YEATS2: variants seen among roughly 807,000 people sequenced by gnomAD.
The protein encoded by YEATS2 is YEATS domain containing 2, also known as YEATS domain-containing protein 2.
In YEATS2, 77 loss-of-function variants were observed where a neutral mutation model predicts 163.2. The observed-to-expected ratio is 0.47, with a 90% CI of 0.39 to 0.57. The LOEUF (loss-of-function observed/expected upper bound fraction) is 0.57, where lower values mean the gene tolerates loss of function less well. Ranked by LOEUF, YEATS2 falls within the 20% of genes least tolerant of loss-of-function variation. The probability of loss-of-function intolerance (pLI) is 0.00; values close to 1 mark genes in which losing one functional copy is unlikely to be tolerated. For synonymous variants in YEATS2, 631 were observed against 645.1 expected, an observed-to-expected ratio of 0.98 and a Z score of 0.33; for missense variants, 1,549 against 1,729.8, an observed-to-expected ratio of 0.90 and a Z score of 1.85.
At chr3:183,714,714 A>G (rs1010527839) in intron 1 of YEATS2, among the ~76,000 whole-genome samples, 12 of 152,316 alleles carry the variant, frequency 7.9e-5, no homozygotes, top group Admixed American at 3.3e-4. Context: ...ATTTTCTAAT[A>G]TGCTGAATGC....
intron 1 of YEATS2, among the ~76,000 whole-genome samples, chr3:183,707,920 C>T (rs993294392): frequency 7.2e-5 from 11 of 151,998 alleles, no homozygotes; most frequent in South Asian, 4.2e-4. Context: ...GTGATCCACC[C>T]GCCTTGGCCT....
chr3:183,719,675 CT>C (rs145556774), intron 4 of YEATS2, among the ~76,000 whole-genome samples: 7 of 148,702 alleles, frequency 4.7e-5, no homozygotes, highest in Non-Finnish European at 4.5e-5. Context: ...TGTTTTCTTT[CT>C]TTTTTTTTTA....
At chr3:183,809,708 C>CTT (rs1302291910) in intron 30 of YEATS2, among the ~76,000 whole-genome samples, 1 of 152,172 alleles carries the variant, frequency 6.6e-6, no homozygotes, top group East Asian at 1.9e-4. Context: ...GATTAAGACA[C>CTT]TGAGTTTCAG....
intron 1 of YEATS2, among the ~76,000 whole-genome samples, chr3:183,700,110 G>A (rs1200417785): frequency 2.6e-5 from 4 of 151,714 alleles, no homozygotes; most frequent in African/African-American, 9.7e-5. Flanking sequence ...CCTGTTCTCT[G>A]TCATCTTTTG....
Position 183,754,373 on chromosome 3 carries a change from G to C in YEATS2, c.1390+8G>C, listed in dbSNP as rs75129248. On this transcript the variant is annotated splice_region_variant and intron_variant, in intron 11 of 30. Coordinates refer to ENST00000305135, the MANE Select transcript of YEATS2 (RefSeq NM_018023.5). ...GCTGCAAGATTGTGTCAGGTATGCA[G>C]ATGTTTTGAAGACAGTGTATGTGGA... 13,322 of 1,610,456 alleles carry C rather than the reference G, an allele frequency of 8.3e-3. 566 individuals are homozygous for C. In the East Asian group the frequency reaches 0.14, roughly 17 times the overall value.
chr3:183,755,878 C>T (rs1015813066), intron 11 of YEATS2, among the ~76,000 whole-genome samples: 6 of 150,452 alleles, frequency 4.0e-5, no homozygotes, highest in Admixed American at 6.7e-5. Flanking sequence ...TCTCGAGGAG[C>T]TGGGATTACA....
chr3:183,756,935 T>G (rs1352826545), intron 12 of YEATS2, among the ~76,000 whole-genome samples: 1 of 152,238 alleles, frequency 6.6e-6, no homozygotes, highest in Non-Finnish European at 1.5e-5. Context: ...CCATAATGAA[T>G]GTTCTTAAAA....
At chr3:183,725,511 A>T (rs1445910575) in intron 6 of YEATS2, among the ~76,000 whole-genome samples, 1 of 152,252 alleles carries the variant, frequency 6.6e-6, no homozygotes, top group Admixed American at 6.5e-5. Flanking sequence ...GGGAGGCCTC[A>T]CAATCCTGGC....
At chr3:183,763,499 ATTTC>A (rs1721591283) in intron 15 of YEATS2, among the ~76,000 whole-genome samples, 1 of 152,154 alleles carries the variant, frequency 6.6e-6, no homozygotes, top group Admixed American at 6.5e-5. Flanking sequence ...CCATGCTTGT[ATTTC>A]TACATTTTCT....
chr3:183,749,716 T>G (rs1234364698), intron 9 of YEATS2, among the ~76,000 whole-genome samples: 1 of 152,156 alleles, frequency 6.6e-6, no homozygotes, highest in Non-Finnish European at 1.5e-5. Flanking sequence ...TCACTGCAGC[T>G]TTGACCTCCT....
At chr3:183,788,866 T>G (rs1303248902) in intron 20 of YEATS2, among the ~76,000 whole-genome samples, 1 of 152,250 alleles carries the variant, frequency 6.6e-6, no homozygotes, top group Non-Finnish European at 1.5e-5. Context: ...TTTGTGTTTC[T>G]CTCACAATTA....
chr3:183,807,374 A>G, intron 28 of YEATS2: 1 of 394,744 alleles, frequency 2.5e-6, no homozygotes, highest in South Asian at 2.6e-5. Context: ...CTGGCTAGAT[A>G]GAAATGGTTG....
At chr3:183,775,440 A>G (rs1339270925) in intron 17 of YEATS2, among the ~76,000 whole-genome samples, 1 of 152,194 alleles carries the variant, frequency 6.6e-6, no homozygotes, top group Non-Finnish European at 1.5e-5. Context: ...TACTAAAAAT[A>G]CAAAATTAGC....
intron 1 of YEATS2, among the ~76,000 whole-genome samples, chr3:183,698,227 C>G (rs1713685633): frequency 1.3e-5 from 2 of 152,178 alleles, no homozygotes; most frequent in Admixed American, 1.3e-4. Context: ...TGGGGGCTTC[C>G]TCTTCAGCGG....
In YEATS2 at chr3:183,801,467, A is replaced by G; in HGVS notation, c.3441A>G (p.Leu1147=). 6.2e-7 allele frequency: 1 copy of G among 1,609,626 alleles called. No homozygotes were observed. The change falls in exon 25 of 31, where the codon TTA becomes TTG. Residue 1147 remains leucine (L), a synonymous_variant. Coordinates refer to ENST00000305135, the MANE Select transcript of YEATS2 (RefSeq NM_018023.5). ...TTATCTCTCTCAGGATAGACCATTT[A>G]GAAACTATCCAGCAACTCCTAACTG... ...LGNYVIKIDH[L]ETIQQLLTAV...
chr3:183,732,436 G>C, intron 7 of YEATS2, among the ~76,000 whole-genome samples: 1 of 149,404 alleles, frequency 6.7e-6, no homozygotes, highest in African/African-American at 2.5e-5. Context: ...CTAGGTGACA[G>C]AGCAAGACTC....
intron 17 of YEATS2, 44 bp from the exon 18 acceptor site, chr3:183,775,871 C>T (rs1403899333): frequency 6.2e-7 from 1 of 1,609,578 alleles, no homozygotes; most frequent in Non-Finnish European, 8.5e-7. Flanking sequence ...TAAAGCTTTG[C>T]TTGATACTTT....
chr3:183,807,933 C>G, intron 28 of YEATS2, 97 bp from the exon 29 acceptor site: 1 of 979,500 alleles, frequency 1.0e-6, no homozygotes, highest in Non-Finnish European at 1.5e-6. Flanking sequence ...TCCTTCCAAC[C>G]AGGCATCGCT....
At chr3:183,748,110 G>A (rs1488538717) in intron 9 of YEATS2, among the ~76,000 whole-genome samples, 1 of 151,776 alleles carries the variant, frequency 6.6e-6, no homozygotes, top group South Asian at 2.1e-4. Flanking sequence ...ACCGAAGACT[G>A]GGTAATCTAT....
Sources: gnomAD v4.1 joint callset for allele counts (sites outside exome capture counted in the v4.1 genomes callset) on GRCh38, gnomAD v4.1.1 for gene constraint, MANE v1.5 for transcripts, NCBI Gene and HGNC (gene_info 2026-07-23, HGNC 2026-07-21) for gene names.